Variants in USP48 observed in about 807,000 individuals in gnomAD.
The protein encoded by USP48 is ubiquitin specific peptidase 48.
USP48 carries 43 observed loss-of-function variants against 150.7 expected under a neutral mutation model. The observed-to-expected ratio is 0.29, with a 90% CI of 0.22 to 0.37. The LOEUF (loss-of-function observed/expected upper bound fraction) is 0.37, where lower values mean the gene tolerates loss of function less well. USP48 is among the 10% of genes least tolerant of loss of function. The pLI is 1.00. For synonymous variants in USP48, 396 were observed against 425.9 expected (o/e 0.93, Z 0.86); for missense variants, 813 against 1,249.6 (o/e 0.65, Z 5.27).
intron 11 of USP48, among the ~76,000 whole-genome samples, chr1:21,725,490 G>A (rs1052767525): frequency 1.3e-5 from 2 of 152,220 alleles, no homozygotes; most frequent in South Asian, 2.1e-4. Flanking sequence ...GGTGGCTCAC[G>A]CCTGTAATCC....
chr1:21,745,881 A>G (rs2097793380), intron 8 of USP48, among the ~76,000 whole-genome samples: 1 of 152,236 alleles, frequency 6.6e-6, no homozygotes, highest in South Asian at 2.1e-4. Context: ...ACTATAGCTA[A>G]GTTTATTTAT....
chr1:21,775,279 T>G (rs2097894899), intron 1 of USP48, among the ~76,000 whole-genome samples: 1 of 152,006 alleles, frequency 6.6e-6, no homozygotes, highest in Non-Finnish European at 1.5e-5. Context: ...TGGTTTTTAT[T>G]GAGACAGAGT....
At chr1:21,703,431 C>T in intron 21 of USP48, 81 bp downstream of exon 21, 1 of 1,074,934 alleles carries the variant, frequency 9.3e-7, no homozygotes, top group Non-Finnish European at 1.4e-6. Flanking sequence ...CTAGGCAGAC[C>T]CTCAGTGCAA....
At chr1:21,778,058 G>A (rs370791941) in intron 1 of USP48, among the ~76,000 whole-genome samples, 13 of 150,512 alleles carry the variant, frequency 8.6e-5, no homozygotes, top group East Asian at 3.9e-4. Context: ...CAGGAGAATC[G>A]CTTGAACCTG....
chr1:21,741,895 G>C lies in USP48; in HGVS notation c.991+5172C>G, dbSNP rs540201554. Among the ~76,000 whole-genome samples the C allele has an allele frequency of 7.2e-5, 11 of 152,222 alleles. No individual in the cohort carries two copies. The South Asian group carries it at 1.5e-3, about 20-fold the overall frequency. On this transcript the variant is annotated intron_variant, in intron 8 of 26. Coordinates refer to ENST00000308271, the MANE Select transcript of USP48 (RefSeq NM_032236.8). ...AGGCTGAGGTGGGAGGATTGCTTGA[G>C]TCTGGGAGGTCAAGGCTGCAGTGAG...
At chr1:21,736,060 G>C (rs1028468502) in intron 9 of USP48, among the ~76,000 whole-genome samples, 1 of 152,020 alleles carries the variant, frequency 6.6e-6, no homozygotes, top group African/African-American at 2.4e-5. Context: ...TAGTGACAGA[G>C]TAAGACTCTC....
intron 8 of USP48, among the ~76,000 whole-genome samples, chr1:21,739,518 C>CAAAAAAAAAAAAAAAAAAAAAAAAAA (rs61410306): frequency 3.0e-5 from 2 of 66,292 alleles, no homozygotes; most frequent in Non-Finnish European, 5.0e-5. Flanking sequence ...GACTCCGTCT[C>CAAAAAAAAAAAAAAAAAAAAAAAAAA]AAAAAAAAAA....
Position 21,737,093 on chromosome 1 carries a change from AG to A in USP48, c.992-469del, listed in dbSNP as rs375755696. Among the ~76,000 whole-genome samples the A allele has an allele frequency of 2.2e-3, 336 of 152,354 alleles. 2 individuals carry two copies. Among genetic ancestry groups the A allele is most frequent in the African/African-American group, 6.9e-3 (289 of 41,586 alleles). ...AATGCTTTGGCAAAAACTGACGGCA[AG>A]TCATGAAAATTTGCTCTCAAAACAG... On this transcript the variant is annotated intron_variant, in intron 8 of 26. Coordinates refer to ENST00000308271, the MANE Select transcript of USP48 (RefSeq NM_032236.8).
chr1:21,679,542 T>C, intron 26 of USP48, 103 bp from the exon 27 acceptor site: 1 of 1,434,312 alleles, frequency 7.0e-7, no homozygotes, highest in Non-Finnish European at 9.8e-7. Context: ...GCATCAAATT[T>C]AATAAATGAA....
In USP48 at chr1:21,694,520, A is replaced by G. The variant is rs541807883; in HGVS notation, c.2883+546T>C. On this transcript the variant is annotated intron_variant, in intron 23 of 26. Coordinates refer to ENST00000308271, the MANE Select transcript of USP48 (RefSeq NM_032236.8). ...GGTAGGCGGAGGTTGCAGTGAGCCA[A>G]GATGGCACCACTGCACTCCAGCCTG... Among the ~76,000 whole-genome samples, 43 of 133,846 alleles carry G rather than the reference A, an allele frequency of 3.2e-4. 1 individual carries two copies. In the South Asian group the frequency reaches 7.0e-3, roughly 22 times the overall value. The allele number at this position is 133,846 out of a possible 152,430, so 87.8% of individuals were successfully genotyped here. A position where few individuals can be genotyped will look rare whatever the true frequency, so the allele number is the denominator to read the frequency against.
In USP48 at chr1:21,700,618, G is replaced by C. The variant is rs187697076; in HGVS notation, c.2727+880C>G. On this transcript the variant is annotated intron_variant, in intron 22 of 26. Transcript: ENST00000308271. ...TTCACTACACTATTTTAGTAGTAAA[G>C]AAAGAAAACAAACATCTCATCTGTT... 1.7e-3 allele frequency among the ~76,000 whole-genome samples: 253 copies of C among 152,244 alleles called. 1 individual carries two copies. Among genetic ancestry groups the C allele is most frequent in the African/African-American group, 5.9e-3 (246 of 41,546 alleles).
At chr1:21,746,815 T>C (rs2097795692) in intron 8 of USP48, among the ~76,000 whole-genome samples, 1 of 152,214 alleles carries the variant, frequency 6.6e-6, no homozygotes, top group South Asian at 2.1e-4. Flanking sequence ...TTTCATTTTT[T>C]ACAAATTATT....
At chr1:21,683,884 T>G (rs116275083) in intron 25 of USP48, among the ~76,000 whole-genome samples, 1 of 152,274 alleles carries the variant, frequency 6.6e-6, no homozygotes, top group Admixed American at 6.5e-5. Context: ...AATACAGTAT[T>G]GTCTTTCTGA....
intron 15 of USP48, among the ~76,000 whole-genome samples, chr1:21,709,633 G>A (rs2097685039): frequency 6.6e-6 from 1 of 151,846 alleles, no homozygotes; most frequent in African/African-American, 2.4e-5. Context: ...ACCCCATGTG[G>A]TTATGAGGAA....
chr1:21,761,364 G>A (rs1457484498), intron 1 of USP48, among the ~76,000 whole-genome samples: 1 of 151,542 alleles, frequency 6.6e-6, no homozygotes, highest in Non-Finnish European at 1.5e-5. Flanking sequence ...CTACATCCTG[G>A]ACTCAAGTAA....
At chr1:21,772,443 G>A (rs1314986514) in intron 1 of USP48, among the ~76,000 whole-genome samples, 1 of 152,006 alleles carries the variant, frequency 6.6e-6, no homozygotes, top group Non-Finnish European at 1.5e-5. Flanking sequence ...CTAACACAGT[G>A]AAACCCCGTC....
intron 9 of USP48, among the ~76,000 whole-genome samples, chr1:21,731,947 G>A (rs995500566): frequency 6.6e-6 from 1 of 152,070 alleles, no homozygotes; most frequent in Non-Finnish European, 1.5e-5. Flanking sequence ...ACAGCAACTG[G>A]AAAACATGAA....
intron 25 of USP48, chr1:21,686,537 C>G (rs2097580695): frequency 6.6e-6 from 1 of 152,280 alleles, no homozygotes; most frequent in Admixed American, 6.5e-5. Flanking sequence ...CTTGATCATA[C>G]AGAACCAGAC....
intron 1 of USP48, among the ~76,000 whole-genome samples, chr1:21,759,629 T>C (rs774342598): frequency 8.5e-5 from 13 of 152,172 alleles, no homozygotes; most frequent in Admixed American, 1.3e-4. Flanking sequence ...GCACAAGAGT[T>C]GGCTGGAAGG....
Sources: gnomAD v4.1 joint callset for allele counts (sites outside exome capture counted in the v4.1 genomes callset) on GRCh38, gnomAD v4.1.1 for gene constraint, MANE v1.5 for transcripts, NCBI Gene and HGNC (gene_info 2026-07-23, HGNC 2026-07-21) for gene names.